SGCZ: variants seen among roughly 807,000 people sequenced by gnomAD.
The protein encoded by SGCZ is sarcoglycan zeta.
SGCZ carries 40 observed loss-of-function variants against 41.3 expected under a neutral mutation model. That is an observed-to-expected ratio of 0.97 (90% CI 0.75 to 1.26). The LOEUF (loss-of-function observed/expected upper bound fraction) is 1.26. SGCZ is among the 50% of genes most tolerant of loss of function. SGCZ has a pLI of 0.00. For missense variants in SGCZ, 552 were observed against 369.8 expected (o/e 1.49, Z -4.04); for synonymous variants, 206 against 137.5 (o/e 1.50, Z -3.49).
At position 14,408,571 on chromosome 8, in the gene SGCZ, G is replaced by A. The variant is rs573469217; in HGVS notation, c.235-84367C>T. On this transcript the variant is annotated intron_variant, in intron 2 of 7. Coordinates refer to ENST00000382080, the MANE Select transcript of SGCZ (RefSeq NM_139167.4). ...TAGGTCGCAATTCTTTTCCACAGTG[G>A]CTAGATGACTGTTTCTATATAAATC... 3.9e-4 allele frequency among the ~76,000 whole-genome samples: 59 copies of A among 152,118 alleles called. No homozygotes were observed. In the Middle Eastern group the frequency reaches 0.014, roughly 35 times the overall value.
At chr8:15,156,031 C>G (rs2117028945) in intron 1 of SGCZ, among the ~76,000 whole-genome samples, 1 of 133,010 alleles carries the variant, frequency 7.5e-6, no homozygotes, top group Middle Eastern at 5.2e-3. Flanking sequence ...GCACTCCAGC[C>G]TGGGTGACAG....
chr8:14,940,819 C>A (rs1385522375), intron 1 of SGCZ, among the ~76,000 whole-genome samples: 2 of 151,856 alleles, frequency 1.3e-5, no homozygotes, highest in East Asian at 3.9e-4. Flanking sequence ...AGTGAAACCA[C>A]AGAAAGGGGG....
chr8:14,188,151 G>C (rs1804967053), intron 4 of SGCZ, among the ~76,000 whole-genome samples: 1 of 152,146 alleles, frequency 6.6e-6, no homozygotes, highest in African/African-American at 2.4e-5. Context: ...GAGCAAATGT[G>C]TTTCTAGCAG....
intron 1 of SGCZ, among the ~76,000 whole-genome samples, chr8:14,777,752 G>C (rs1295623088): frequency 6.6e-6 from 1 of 152,146 alleles, no homozygotes; most frequent in Admixed American, 6.5e-5. Context: ...GTATGTGTGA[G>C]AGAGAGACAG....
intron 1 of SGCZ, among the ~76,000 whole-genome samples, chr8:14,609,869 C>G (rs1441236247): frequency 6.6e-6 from 1 of 152,022 alleles, no homozygotes; most frequent in Non-Finnish European, 1.5e-5. Flanking sequence ...TTATCTATGA[C>G]CTTCTTATTC....
intron 4 of SGCZ, among the ~76,000 whole-genome samples, chr8:14,215,657 C>T (rs939749431): frequency 6.6e-6 from 1 of 151,954 alleles, no homozygotes; most frequent in Non-Finnish European, 1.5e-5. Context: ...AAGAAAGAGA[C>T]CATATCACTA....
chr8:14,871,050 A>G (rs1452477295), intron 1 of SGCZ, among the ~76,000 whole-genome samples: 1 of 152,074 alleles, frequency 6.6e-6, no homozygotes, highest in Non-Finnish European at 1.5e-5. Flanking sequence ...TCTACTAAAA[A>G]TACAAAATTA....
At chr8:14,792,942 T>C (rs1299647055) in intron 1 of SGCZ, among the ~76,000 whole-genome samples, 1 of 152,180 alleles carries the variant, frequency 6.6e-6, no homozygotes, top group African/African-American at 2.4e-5. Context: ...ACACTAAATT[T>C]ATATTTCTAA....
chr8:15,118,092 TA>T (rs1316749629), intron 1 of SGCZ, among the ~76,000 whole-genome samples: 1 of 152,212 alleles, frequency 6.6e-6, no homozygotes, highest in African/African-American at 2.4e-5. Flanking sequence ...CTTTGATATT[TA>T]GTTGCGGTAA....
rs907270900 is a variant in SGCZ at position 14,197,624 on chromosome 8, A to G, written c.425-32922T>C. The stretch of plus-strand genomic sequence containing the variant: ...AAATTCAAATTACATTTATTATAAA[A>G]TCTTCTTAATAAATTGGGAATGAAA... On this transcript the variant is annotated intron_variant, in intron 4 of 7. Transcript: ENST00000382080. Among the ~76,000 whole-genome samples the G allele has an allele frequency of 2.6e-5, 4 of 152,212 alleles. No homozygotes were observed. The East Asian group carries it at 5.8e-4, about 22-fold the overall frequency.
At chr8:14,755,753 T>C (rs1018961486) in intron 1 of SGCZ, among the ~76,000 whole-genome samples, 2 of 152,126 alleles carry the variant, frequency 1.3e-5, no homozygotes, top group Admixed American at 1.3e-4. Context: ...TGCTCATAAC[T>C]GTGATGAATG....
At chr8:14,423,769 C>T (rs1215874432) in intron 2 of SGCZ, among the ~76,000 whole-genome samples, 1 of 152,096 alleles carries the variant, frequency 6.6e-6, no homozygotes, top group Admixed American at 6.6e-5. Context: ...TTCCTTCCTT[C>T]CGTCCCCCCA....
chr8:14,362,536 C>T (rs1274345336), intron 2 of SGCZ, among the ~76,000 whole-genome samples: 2 of 152,158 alleles, frequency 1.3e-5, no homozygotes, highest in Admixed American at 6.5e-5. Flanking sequence ...TTGCTGGTTA[C>T]GAAGACTGTG....
intron 1 of SGCZ, among the ~76,000 whole-genome samples, chr8:14,601,935 A>G (rs987307175): frequency 1.2e-4 from 18 of 152,178 alleles, no homozygotes; most frequent in South Asian, 6.2e-4. Context: ...CCGGGCTAAC[A>G]CGGTGAAACC....
chr8:14,370,762 T>C (rs957031858), intron 2 of SGCZ, among the ~76,000 whole-genome samples: 2 of 151,988 alleles, frequency 1.3e-5, no homozygotes, highest in Non-Finnish European at 2.9e-5. Flanking sequence ...AAGGTTAGCA[T>C]ATATTATCCA....
Position 14,272,562 on chromosome 8 carries a change from C to T in SGCZ, c.337-34883G>A, listed in dbSNP as rs549803477. Among the ~76,000 whole-genome samples, 6 of 152,256 alleles carry T rather than the reference C, an allele frequency of 3.9e-5. No individual in the cohort carries two copies. In the East Asian group the frequency reaches 1.2e-3, roughly 29 times the overall value. On this transcript the variant is annotated intron_variant, in intron 3 of 7. Transcript: ENST00000382080. ...GAACTTGGAGTTGTCAGTGAAAGCA[C>T]AAATTAATTCCTTGCAAGCCTCCAG...
At chr8:14,757,677 T>C (rs1427558779) in intron 1 of SGCZ, among the ~76,000 whole-genome samples, 1 of 152,208 alleles carries the variant, frequency 6.6e-6, no homozygotes, top group Non-Finnish European at 1.5e-5. Flanking sequence ...ACAGCAACTC[T>C]AGCCATCCTT....
At chr8:14,113,194 G>C (rs550900812) in intron 5 of SGCZ, among the ~76,000 whole-genome samples, 3 of 152,050 alleles carry the variant, frequency 2.0e-5, no homozygotes, top group Admixed American at 6.6e-5. Flanking sequence ...CACTGCTTTT[G>C]CCCAGCATTC....
At chr8:14,525,257 G>A (rs1158067065) in intron 2 of SGCZ, among the ~76,000 whole-genome samples, 1 of 152,068 alleles carries the variant, frequency 6.6e-6, no homozygotes, top group South Asian at 2.1e-4. Context: ...CTTTAGCCAG[G>A]TGAAACCTGG....
Sources: allele counts gnomAD v4.1 joint callset (sites outside exome capture counted in the v4.1 genomes callset), GRCh38; gene constraint gnomAD v4.1.1; transcripts MANE v1.5; gene names NCBI Gene and HGNC (gene_info 2026-07-23, HGNC 2026-07-21).